The following MYL1 variants were observed in gnomAD, a reference collection of about 807,000 sequenced individuals.
MYL1 encodes the protein myosin light chain 1.
In MYL1, 16 loss-of-function variants were observed where a neutral mutation model predicts 21.8. The observed-to-expected ratio is 0.74, with a 90% CI of 0.50 to 1.12. The LOEUF (loss-of-function observed/expected upper bound fraction) is 1.12, where lower values mean the gene tolerates loss of function less well. Ranked by LOEUF, MYL1 falls within the 50% of genes most tolerant of loss-of-function variation. MYL1 has a pLI of 0.00. For synonymous variants in MYL1, 99 were observed against 85.2 expected (o/e 1.16, Z -0.89); for missense variants, 246 against 241.0 (o/e 1.02, Z -0.14).
At chr2:210,305,017 A>G (rs1191866056) in intron 1 of MYL1, among the ~76,000 whole-genome samples, 1 of 152,238 alleles carries the variant, frequency 6.6e-6, no homozygotes, top group Non-Finnish European at 1.5e-5. Context: ...AGTTTTCTAC[A>G]TGTTTAAAGC....
intron 2 of MYL1, 98 bp downstream of exon 2, chr2:210,302,390 A>T: frequency 9.0e-7 from 1 of 1,105,246 alleles, no homozygotes. Context: ...ACCAGTGGGG[A>T]TAATTAGGAA....
intron 6 of MYL1, among the ~76,000 whole-genome samples, chr2:210,290,768 G>A (rs1690062939): frequency 6.6e-6 from 1 of 152,016 alleles, no homozygotes; most frequent in African/African-American, 2.4e-5. Flanking sequence ...GGTTTGTTGA[G>A]TCTCCACTGC....
chr2:210,290,897 A>G (rs913661885), intron 6 of MYL1, 135 bp downstream of exon 6: 1 of 496,410 alleles, frequency 2.0e-6, no homozygotes. Flanking sequence ...CAAGGCATTA[A>G]TATTTTCTAA....
chr2:210,311,110 G>T (rs1690412554), intron 1 of MYL1, among the ~76,000 whole-genome samples: 1 of 151,986 alleles, frequency 6.6e-6, no homozygotes, highest in Admixed American at 6.6e-5. Flanking sequence ...ATGAATATTG[G>T]TTATTGTTAC....
intron 1 of MYL1, among the ~76,000 whole-genome samples, chr2:210,314,346 A>C (rs1690458239): frequency 6.6e-6 from 1 of 152,228 alleles, no homozygotes; most frequent in South Asian, 2.1e-4. Context: ...AATTTTCTGC[A>C]CTGAGATCTC....
In MYL1 at chr2:210,309,090, T is replaced by C. The variant is rs145980654; in HGVS notation, c.132+5821A>G. 8.8e-3 allele frequency among the ~76,000 whole-genome samples: 1,341 copies of C among 152,154 alleles called. 21 individuals carry two copies. Among genetic ancestry groups the C allele is most frequent in the African/African-American group, 0.03 (1,263 of 41,556 alleles). ...TCTTTTGATGAAATAACTTCTCTCA[T>C]CTAGGCTATAGTTTCTTCAGTAGAA... is the stretch of plus-strand genomic sequence containing the variant. On this transcript the variant is annotated intron_variant, in intron 1 of 6. Coordinates refer to ENST00000352451, the MANE Select transcript of MYL1 (RefSeq NM_079420.3).
At chr2:210,290,719 T>G (rs1381608012) in intron 6 of MYL1, among the ~76,000 whole-genome samples, 1 of 152,158 alleles carries the variant, frequency 6.6e-6, no homozygotes, top group African/African-American at 2.4e-5. Flanking sequence ...TGTGCTTTTA[T>G]TAGTGTTCTG....
At chr2:210,299,958 A>G (rs780200058) in intron 2 of MYL1, among the ~76,000 whole-genome samples, 14 of 152,198 alleles carry the variant, frequency 9.2e-5, no homozygotes, top group Non-Finnish European at 1.9e-4. Context: ...CACTGACATT[A>G]TATTCACAAT....
At chr2:210,293,930 T>C (rs1690125998) in intron 4 of MYL1, 130 bp from the exon 5 acceptor site, 2 of 789,372 alleles carry the variant, frequency 2.5e-6, no homozygotes, top group South Asian at 1.7e-5. Context: ...CCCATTCTTT[T>C]GGTACTTAAT....
chr2:210,314,988 C>A lies in MYL1; in HGVS notation c.55G>T (p.Ala19Ser). The change falls in exon 1 of 7, where the codon GCC (alanine) becomes TCC (serine). Residue 19 changes from alanine to serine, a missense_variant. By Grantham distance (99) the Ala-to-Ser change is moderately conservative. Transcript: ENST00000352451. ...GCAGGTGCAGGTGCCGGTGCCGGGG[C>A]TGGGGCAGCCGCAGCCGCAGCCACA... ...KPVAAAAAAP[A>S]PAPAPAPAPA... is the part of the protein sequence containing the mutation. 1 of 1,610,128 alleles carries A rather than the reference C, an allele frequency of 6.2e-7. No individual in the cohort carries two copies. The highest frequency in any genetic ancestry group is 8.5e-7 in the Non-Finnish European group (1 of 1,178,950).
intron 2 of MYL1, among the ~76,000 whole-genome samples, chr2:210,301,430 G>A (rs929214117): frequency 1.3e-5 from 2 of 152,044 alleles, no homozygotes; most frequent in East Asian, 3.8e-4. Context: ...TAGACTTGAA[G>A]AATGTGGAAT....
chr2:210,311,922 A>C (rs1311621504), intron 1 of MYL1, among the ~76,000 whole-genome samples: 2 of 151,998 alleles, frequency 1.3e-5, no homozygotes, highest in Admixed American at 1.3e-4. Flanking sequence ...ACTCATAGAA[A>C]ATCCATTAGG....
intron 1 of MYL1, among the ~76,000 whole-genome samples, chr2:210,312,755 A>G (rs1044128564): frequency 1.3e-5 from 2 of 151,340 alleles, no homozygotes; most frequent in Non-Finnish European, 3.0e-5. Context: ...TTCCAGATTC[A>G]TTTAACTTCT....
In MYL1 at chr2:210,309,589, T is replaced by C. The variant is rs1481777650; in HGVS notation, c.132+5322A>G. 4.6e-5 allele frequency among the ~76,000 whole-genome samples: 7 copies of C among 152,140 alleles called. No individual in the cohort carries two copies. The East Asian group carries it at 9.6e-4, about 21-fold the overall frequency. Reference sequence around the variant, plus strand: ...CTGCTTTGAGGTAAGAAACAAGCTGTAGAAGTTGATATAGAAACAAATCAC... The same window carrying C: ...CTGCTTTGAGGTAAGAAACAAGCTGCAGAAGTTGATATAGAAACAAATCAC... On this transcript the variant is annotated intron_variant, in intron 1 of 6. Coordinates refer to ENST00000352451, the MANE Select transcript of MYL1 (RefSeq NM_079420.3).
At chr2:210,302,462 T>C (rs777017981) in intron 2 of MYL1, 26 bp downstream of exon 2, 1 of 1,602,302 alleles carries the variant, frequency 6.2e-7, no homozygotes, top group Admixed American at 1.7e-5. Context: ...GTGTGCACAT[T>C]TAAGAACCAT....
chr2:210,296,563 A>T (rs371739115), intron 3 of MYL1, among the ~76,000 whole-genome samples: 53 of 152,242 alleles, frequency 3.5e-4, no homozygotes, highest in African/African-American at 1.2e-3. Context: ...AGGCGGGCAG[A>T]TGCTTGAGCT....
chr2:210,308,092 G>A (rs1690365170), intron 1 of MYL1, among the ~76,000 whole-genome samples: 1 of 151,862 alleles, frequency 6.6e-6, no homozygotes, highest in African/African-American at 2.4e-5. Context: ...CATACAATGG[G>A]GATTAATGAC....
chr2:210,301,389 G>A (rs1264166452), intron 2 of MYL1, among the ~76,000 whole-genome samples: 1 of 151,948 alleles, frequency 6.6e-6, no homozygotes, highest in Non-Finnish European at 1.5e-5. Flanking sequence ...CTCAATTTAT[G>A]TTCAAATATG....
At chr2:210,307,685 T>C (rs767203998) in intron 1 of MYL1, among the ~76,000 whole-genome samples, 1 of 152,174 alleles carries the variant, frequency 6.6e-6, no homozygotes. Context: ...TGATGTCGGA[T>C]TTAGGTAACA....
Sources: gnomAD v4.1 joint callset for allele counts (sites outside exome capture counted in the v4.1 genomes callset) on GRCh38, gnomAD v4.1.1 for gene constraint, MANE v1.5 for transcripts, NCBI Gene and HGNC (gene_info 2026-07-23, HGNC 2026-07-21) for gene names.